Variants in RBFOX1 observed in about 807,000 individuals in gnomAD.
The protein encoded by RBFOX1 is RNA binding protein fox-1 homolog 1.
A neutral mutation model predicts 57.7 loss-of-function variants in RBFOX1; 8 were observed. The ratio of observed to expected loss-of-function variants is 0.14; its 90% CI spans 0.08 to 0.25. The LOEUF (loss-of-function observed/expected upper bound fraction) is 0.25, where lower values mean the gene tolerates loss of function less well. Ranked by LOEUF, RBFOX1 falls within the 10% of genes least tolerant of loss-of-function variation. RBFOX1 has a pLI of 1.00. For missense variants in RBFOX1, 611 were observed against 548.5 expected, an observed-to-expected ratio of 1.11 and a Z score of -1.14; for synonymous variants, 326 against 222.4, an observed-to-expected ratio of 1.47 and a Z score of -4.15.
chr16:7,365,489 T>TC (rs910096892), intron 4 of RBFOX1, among the ~76,000 whole-genome samples: 6 of 152,200 alleles, frequency 3.9e-5, no homozygotes, highest in Admixed American at 6.5e-5. Context: ...GTGATTTTTT[T>TC]CCCCCCCACA....
At chr16:6,059,688 T>A (rs1156705934) in intron 1 of RBFOX1, among the ~76,000 whole-genome samples, 1 of 152,088 alleles carries the variant, frequency 6.6e-6, no homozygotes, top group Non-Finnish European at 1.5e-5. Context: ...TCTTCCTTCT[T>A]CTATATACTT....
At chr16:6,940,552 C>G (rs901873062) in intron 3 of RBFOX1, among the ~76,000 whole-genome samples, 1 of 152,082 alleles carries the variant, frequency 6.6e-6, no homozygotes, top group South Asian at 2.1e-4. Flanking sequence ...CTAATTCATC[C>G]TCTTGGAGAG....
intron 3 of RBFOX1, among the ~76,000 whole-genome samples, chr16:6,754,048 C>T (rs1028401067): frequency 6.6e-6 from 1 of 152,070 alleles, no homozygotes; most frequent in Non-Finnish European, 1.5e-5. Context: ...AATATACATA[C>T]CCACTCTTCA....
intron 3 of RBFOX1, among the ~76,000 whole-genome samples, chr16:5,639,424 G>T (rs2048788014): frequency 6.6e-6 from 1 of 152,188 alleles, no homozygotes; most frequent in East Asian, 1.9e-4. Context: ...AAGCTGGGAG[G>T]TTCAACAGAA....
intron 2 of RBFOX1, among the ~76,000 whole-genome samples, chr16:6,623,159 A>G (rs944127447): frequency 6.6e-6 from 1 of 152,158 alleles, no homozygotes; most frequent in African/African-American, 2.4e-5. Context: ...CCATTCCAGA[A>G]GCTTACATTG....
intron 2 of RBFOX1, among the ~76,000 whole-genome samples, chr16:6,408,510 A>T (rs901001046): frequency 6.6e-6 from 1 of 152,148 alleles, no homozygotes; most frequent in Non-Finnish European, 1.5e-5. Context: ...TTTCTCACCC[A>T]TTCCATGGTG....
At chr16:5,590,952 A>T (rs1041211178) in intron 2 of RBFOX1, among the ~76,000 whole-genome samples, 2 of 152,158 alleles carry the variant, frequency 1.3e-5, no homozygotes, top group Non-Finnish European at 2.9e-5. Flanking sequence ...TTCAGACCAC[A>T]CTGAAAGGAC....
intron 4 of RBFOX1, among the ~76,000 whole-genome samples, chr16:7,441,518 C>G (rs940869249): frequency 3.3e-5 from 5 of 152,122 alleles, no homozygotes; most frequent in Non-Finnish European, 5.9e-5. Flanking sequence ...ATCTGTTTCT[C>G]TCCTACTATA....
chr16:5,814,543 G>A lies in RBFOX1; in HGVS notation c.319-52760G>A, dbSNP rs1341871322. Among the ~76,000 whole-genome samples the A allele has an allele frequency of 6.6e-5, 10 of 152,186 alleles. No homozygotes were observed. The South Asian group carries it at 8.3e-4, about 13-fold the overall frequency. On this transcript the variant is annotated intron_variant, in intron 3 of 19. Coordinates refer to the RBFOX1 transcript ENST00000641259. The stretch of plus-strand genomic sequence containing the variant: ...CAGATGAGGAAATTCAGGCTCAGAG[G>A]CCACACAACTTGCCCAAGGTCATGA...
intron 2 of RBFOX1, among the ~76,000 whole-genome samples, chr16:6,364,886 G>T (rs1289748237): frequency 6.6e-6 from 1 of 152,080 alleles, no homozygotes; most frequent in Non-Finnish European, 1.5e-5. Flanking sequence ...TCCTAGACTG[G>T]GCGAGGGGCA....
At chr16:6,825,736 C>T (rs376968139) in intron 3 of RBFOX1, among the ~76,000 whole-genome samples, 5 of 152,048 alleles carry the variant, frequency 3.3e-5, no homozygotes, top group Non-Finnish European at 7.4e-5. Flanking sequence ...GCAGGGCAGT[C>T]GATGCCAGGG....
rs74348487 is a variant in RBFOX1, at chr16:5,471,872, G to C, written c.258+4618G>C. Among the ~76,000 whole-genome samples, 648 of 152,288 alleles carry C rather than the reference G, an allele frequency of 4.3e-3. 16 individuals carry two copies. Among genetic ancestry groups the C allele is most frequent in the East Asian group, 0.031 (163 of 5,182 alleles). On this transcript the variant is annotated intron_variant, in intron 2 of 2. Coordinates refer to the RBFOX1 transcript ENST00000585867. Reference sequence around the variant, plus strand: ...GGAGAAGATTTATTATCCTTGAAGGGGGTGTGTTTTGGAAGCTGCCATGCC... The same window carrying C: ...GGAGAAGATTTATTATCCTTGAAGGCGGTGTGTTTTGGAAGCTGCCATGCC...
intron 4 of RBFOX1, among the ~76,000 whole-genome samples, chr16:7,113,582 G>A (rs2065243306): frequency 6.6e-6 from 1 of 152,144 alleles, no homozygotes; most frequent in African/African-American, 2.4e-5. Flanking sequence ...GGAGCCACAT[G>A]ATGAATGTAT....
chr16:7,151,855 G>A (rs1016783580), intron 4 of RBFOX1, among the ~76,000 whole-genome samples: 1 of 152,084 alleles, frequency 6.6e-6, no homozygotes, highest in Non-Finnish European at 1.5e-5. Flanking sequence ...TTCACAAGAG[G>A]ATTTCTGCTC....
intron 3 of RBFOX1, among the ~76,000 whole-genome samples, chr16:6,928,435 C>T (rs530652516): frequency 2.0e-5 from 3 of 152,270 alleles, no homozygotes; most frequent in Middle Eastern, 3.4e-3. Flanking sequence ...GGTGAGCTGG[C>T]AGCCAAGAGC....
intron 14 of RBFOX1, among the ~76,000 whole-genome samples, chr16:7,681,165 T>A (rs2074631016): frequency 6.6e-6 from 1 of 152,290 alleles, no homozygotes; most frequent in Middle Eastern, 3.4e-3. Context: ...TATTTTAAAA[T>A]TATTTAAGTG....
chr16:6,620,484 A>G (rs1214812684), intron 2 of RBFOX1, among the ~76,000 whole-genome samples: 1 of 152,224 alleles, frequency 6.6e-6, no homozygotes, highest in African/African-American at 2.4e-5. Context: ...GAAGACAGGA[A>G]ATAACCAAAA....
chr16:6,915,551 T>C (rs372337607), intron 3 of RBFOX1, among the ~76,000 whole-genome samples: 299 of 9,310 alleles, frequency 0.032, 1 homozygote, highest in Admixed American at 0.048. Context: ...CACACCCCCC[T>C]TTTTTTTTTT....
intron 2 of RBFOX1, among the ~76,000 whole-genome samples, chr16:6,416,153 A>G (rs2093618982): frequency 6.6e-6 from 1 of 152,208 alleles, no homozygotes; most frequent in African/African-American, 2.4e-5. Flanking sequence ...ATGGTGCAGC[A>G]GTGTCCTCGA....
Sources: gnomAD v4.1 joint callset for allele counts (sites outside exome capture counted in the v4.1 genomes callset) on GRCh38, gnomAD v4.1.1 for gene constraint, MANE v1.5 for transcripts, NCBI Gene and HGNC (gene_info 2026-07-23, HGNC 2026-07-21) for gene names.